The following CA12 variants were observed in gnomAD, a reference collection of about 807,000 sequenced individuals.
CA12 encodes the protein carbonate dehydratase XII.
In CA12, 36 loss-of-function variants were observed where a neutral mutation model predicts 46.8. The ratio of observed to expected loss-of-function variants is 0.77; its 90% CI spans 0.59 to 1.02. The LOEUF (loss-of-function observed/expected upper bound fraction) is 1.02. CA12 is among the 50% of genes least tolerant of loss of function. The pLI, the probability that CA12 is intolerant of heterozygous loss-of-function variation, is 0.00. For missense variants in CA12, 436 were observed against 451.4 expected (o/e 0.97, Z 0.31); for synonymous variants, 202 against 187.0 (o/e 1.08, Z -0.65).
intron 2 of CA12, among the ~76,000 whole-genome samples, chr15:63,366,138 CAAAA>C (rs10680238): frequency 1.7e-5 from 2 of 116,914 alleles, no homozygotes; most frequent in Admixed American, 9.0e-5. Context: ...GAGACTATCT[CAAAA>C]AAAAAAAAAA....
intron 8 of CA12, among the ~76,000 whole-genome samples, chr15:63,336,314 C>A (rs1414064632): frequency 6.6e-6 from 1 of 152,118 alleles, no homozygotes; most frequent in South Asian, 2.1e-4. Context: ...AGACACAAGC[C>A]GGTCTAAGAA....
At chr15:63,363,646 G>C (rs2039395538) in intron 2 of CA12, among the ~76,000 whole-genome samples, 1 of 152,216 alleles carries the variant, frequency 6.6e-6, no homozygotes. Flanking sequence ...GTGATAATTT[G>C]ACAAGTGATA....
At chr15:63,326,400 G>T in intron 10 of CA12, 43 bp from the exon 11 acceptor site, 3 of 1,510,628 alleles carry the variant, frequency 2.0e-6, no homozygotes, top group South Asian at 2.2e-5. Flanking sequence ...AGAGGAGAGC[G>T]AGCGAGCCAG....
In CA12 at chr15:63,361,202, A is replaced by G. The variant is rs138869852; in HGVS notation, c.106+14456T>C. Among the ~76,000 whole-genome samples, 13 of 152,344 alleles carry G rather than the reference A, an allele frequency of 8.5e-5. No homozygotes were observed. In the East Asian group the frequency reaches 1.5e-3, roughly 18 times the overall value. On this transcript the variant is annotated intron_variant, in intron 2 of 10. Transcript: ENST00000178638. ...CTGCCCAGTGGAAGTGTAGCCCCCA[A>G]CGGAGCAGTCCAGATGCTGCTGCTT...
At chr15:63,354,903 G>T (rs1388602302) in intron 2 of CA12, among the ~76,000 whole-genome samples, 3 of 152,128 alleles carry the variant, frequency 2.0e-5, no homozygotes, top group African/African-American at 7.2e-5. Flanking sequence ...TGCTGGGTGG[G>T]GGATGAGGCG....
At chr15:63,359,742 T>C (rs1347649511) in intron 2 of CA12, among the ~76,000 whole-genome samples, 1 of 152,214 alleles carries the variant, frequency 6.6e-6, no homozygotes, top group African/African-American at 2.4e-5. Context: ...AAAAAAATGC[T>C]ATCAAGGATA....
rs149256486 is a variant in CA12, at chr15:63,326,334, C to A, written c.1016G>T (p.Gly339Val). 1 of 1,613,884 alleles carries A rather than the reference C, an allele frequency of 6.2e-7. No individual in the cohort carries two copies. Among genetic ancestry groups the A allele is most frequent in the Non-Finnish European group, 8.5e-7 (1 of 1,179,838 alleles). The change falls in exon 11 of 11, where the codon GGA (glycine) becomes GTA (valine). Residue 339 changes from glycine (G) to valine (V), a missense_variant. Transcript: ENST00000178638. ...RKSIKKGDNKGVIYKPATKME... is the reference protein window; with the variant it reads ...RKSIKKGDNKVVIYKPATKME... ...CTTGGTGGCTGGCTTGTAAATGACT[C>A]CCTTGTTATCACCTTTTTTGATACT...
rs901826075 is a variant in CA12 at position 63,374,138 on chromosome 15, G to A, written c.106+1520C>T. Among the ~76,000 whole-genome samples the A allele has an allele frequency of 2.6e-5, 4 of 152,032 alleles. No individual in the cohort carries two copies. Among genetic ancestry groups the A allele is most frequent in the African/African-American group, 9.7e-5 (4 of 41,382 alleles). ...TGCCCCTCCAGGAGCAGGACAAAGT[G>A]GGAAAGGCCTGCCCTGACCCTCCAC... On this transcript the variant is annotated intron_variant, in intron 2 of 10. Coordinates refer to ENST00000178638, the MANE Select transcript of CA12 (RefSeq NM_001218.5). This position sits in a 1 kb window ranked among gnomAD's most constrained non-coding sequence, Gnocchi z 4.4.
intron 2 of CA12, among the ~76,000 whole-genome samples, chr15:63,360,009 T>G (rs1399355862): frequency 1.3e-5 from 2 of 152,226 alleles, no homozygotes; most frequent in African/African-American, 4.8e-5. Context: ...TCTCCAGGCT[T>G]TGCTTTCCCC....
At chr15:63,344,944 C>T (rs1043829946) in intron 4 of CA12, among the ~76,000 whole-genome samples, 11 of 152,126 alleles carry the variant, frequency 7.2e-5, no homozygotes, top group Admixed American at 1.3e-4. Context: ...TGCCGTGATG[C>T]CCTGCACATT....
chr15:63,360,081 G>A (rs1332430163), intron 2 of CA12, among the ~76,000 whole-genome samples: 1 of 152,222 alleles, frequency 6.6e-6, no homozygotes, highest in East Asian at 1.9e-4. Context: ...AAGTTAACAA[G>A]TTAGTCTGCC....
At chr15:63,362,883 G>A (rs933456282) in intron 2 of CA12, among the ~76,000 whole-genome samples, 1 of 152,190 alleles carries the variant, frequency 6.6e-6, no homozygotes, top group African/African-American at 2.4e-5. Context: ...AGAGATGCGT[G>A]AAGTATAGTG....
chr15:63,367,059 C>T (rs2039444326), intron 2 of CA12, among the ~76,000 whole-genome samples: 1 of 32 alleles, frequency 0.031, no homozygotes. Context: ...GTAGCTGAGA[C>T]TACCGCACAT....
chr15:63,344,525 G>A (rs184306709), intron 4 of CA12, among the ~76,000 whole-genome samples: 1 of 152,298 alleles, frequency 6.6e-6, no homozygotes, highest in Admixed American at 6.5e-5. Context: ...TCAGGGAAGG[G>A]CCGCTCTGAA....
chr15:63,344,679 C>T (rs2046484), intron 4 of CA12, among the ~76,000 whole-genome samples: 66,093 of 151,910 alleles, frequency 0.44, 15,477 homozygotes, highest in Middle Eastern at 0.55. Context: ...CCACGGACTC[C>T]CCTGGCTGAT....
intron 2 of CA12, among the ~76,000 whole-genome samples, chr15:63,370,623 A>G (rs893916684): frequency 6.6e-6 from 1 of 151,354 alleles, no homozygotes. Context: ...AAATACAAAG[A>G]TTAGCCGGGC....
At chr15:63,370,948 G>A (rs16946956) in intron 2 of CA12, among the ~76,000 whole-genome samples, 5,758 of 152,078 alleles carry the variant, frequency 0.038, 145 homozygotes, top group Middle Eastern at 0.054. Flanking sequence ...AAGAGCCCTC[G>A]GTCTATTAAT....
At chr15:63,366,572 C>A (rs2039437622) in intron 2 of CA12, among the ~76,000 whole-genome samples, 1 of 152,184 alleles carries the variant, frequency 6.6e-6, no homozygotes, top group Non-Finnish European at 1.5e-5. Flanking sequence ...TTTCTTTAGT[C>A]CAATATTTGG....
In CA12 at chr15:63,327,268, T is replaced by C. The variant is rs1367022831; in HGVS notation, c.908-35A>G. 14 of 1,557,008 alleles carry C rather than the reference T, an allele frequency of 9.0e-6. No homozygotes were observed. Among genetic ancestry groups the C allele is most frequent in the Non-Finnish European group, 1.2e-5 (14 of 1,131,778 alleles). On this transcript the variant is annotated intron_variant, in intron 9 of 10. Coordinates refer to ENST00000178638, the MANE Select transcript of CA12 (RefSeq NM_001218.5). This position sits in a 1 kb window ranked among gnomAD's most constrained non-coding sequence, Gnocchi z 4.5. Reference sequence around the variant, plus strand: ...AGGTAGAGGGCACACATTACATTCCTTCCTTCCCCTCCATCTTAGCCCATG... The same window carrying C: ...AGGTAGAGGGCACACATTACATTCCCTCCTTCCCCTCCATCTTAGCCCATG...
Sources: allele counts gnomAD v4.1 joint callset (sites outside exome capture counted in the v4.1 genomes callset), GRCh38; gene constraint gnomAD v4.1.1; non-coding constraint Gnocchi (gnomAD v3.1); transcripts MANE v1.5; gene names NCBI Gene and HGNC (gene_info 2026-07-23, HGNC 2026-07-21).